Variants in INPP4B observed in about 807,000 individuals in gnomAD.
INPP4B encodes the protein inositol polyphosphate 4-phosphatase type II.
INPP4B carries 55 observed loss-of-function variants against 122.5 expected under a neutral mutation model. The ratio of observed to expected loss-of-function variants is 0.45; its 90% CI spans 0.36 to 0.56. The LOEUF (loss-of-function observed/expected upper bound fraction) is 0.56, where lower values mean the gene tolerates loss of function less well. Ranked by LOEUF, INPP4B falls within the 20% of genes least tolerant of loss-of-function variation. INPP4B has a pLI of 0.00. For synonymous variants in INPP4B, 403 were observed against 388.7 expected (o/e 1.04, Z -0.43); for missense variants, 1,000 against 1,097.7 (o/e 0.91, Z 1.26).
At chr4:142,659,782 G>C (rs1021263878) in intron 2 of INPP4B, among the ~76,000 whole-genome samples, 1 of 152,138 alleles carries the variant, frequency 6.6e-6, no homozygotes, top group Admixed American at 6.5e-5. Context: ...ACTCATCTGG[G>C]TGTCTCACAA....
chr4:142,037,286 T>A (rs1744574687), intron 25 of INPP4B, among the ~76,000 whole-genome samples: 2 of 152,192 alleles, frequency 1.3e-5, no homozygotes, highest in Admixed American at 6.5e-5. Context: ...TCCGTAAATA[T>A]AATCCAACGT....
At chr4:142,433,232 C>T (rs951610225) in intron 3 of INPP4B, among the ~76,000 whole-genome samples, 1 of 152,056 alleles carries the variant, frequency 6.6e-6, no homozygotes, top group Non-Finnish European at 1.5e-5. Context: ...GAGCATTTAC[C>T]TATGGTTATG....
chr4:142,136,274 A>G (rs1388032634), intron 18 of INPP4B, among the ~76,000 whole-genome samples: 2 of 152,218 alleles, frequency 1.3e-5, no homozygotes. Context: ...TCGGGCAGGC[A>G]CTGGAGAACC....
intron 23 of INPP4B, among the ~76,000 whole-genome samples, chr4:142,093,923 A>G (rs1780684592): frequency 1.3e-5 from 2 of 152,202 alleles, no homozygotes; most frequent in South Asian, 4.1e-4. Flanking sequence ...AGTAATTTTT[A>G]AATTATATCC....
chr4:142,601,656 A>G (rs1207977125), intron 2 of INPP4B, among the ~76,000 whole-genome samples: 2 of 151,870 alleles, frequency 1.3e-5, no homozygotes, highest in African/African-American at 4.8e-5. Context: ...TAGAAAAACA[A>G]AAACAAAACA....
chr4:142,179,102 G>C (rs1450915589), intron 15 of INPP4B, among the ~76,000 whole-genome samples: 1 of 152,004 alleles, frequency 6.6e-6, no homozygotes, highest in Non-Finnish European at 1.5e-5. Flanking sequence ...ACCTCTTTTG[G>C]ATTTCACTTA....
chr4:142,192,459 A>G (rs897562324), intron 15 of INPP4B, among the ~76,000 whole-genome samples: 2 of 151,994 alleles, frequency 1.3e-5, no homozygotes, highest in African/African-American at 4.8e-5. Context: ...GCCAGAGAAT[A>G]TTATAGGATA....
chr4:142,265,338 G>A (rs2627828), intron 10 of INPP4B, among the ~76,000 whole-genome samples: 138,487 of 152,258 alleles, frequency 0.91, 63,224 homozygotes, highest in East Asian at 0.96. Context: ...ATGCAAACCA[G>A]TGAAAGCAAT....
At chr4:142,462,782 T>G (rs567449695) in intron 2 of INPP4B, 56 bp from the exon 3 acceptor site, 52 of 152,318 alleles carry the variant, frequency 3.4e-4, no homozygotes, top group African/African-American at 1.2e-3. Context: ...GAAATTTTCT[T>G]ACTAAAGCAC....
intron 25 of INPP4B, among the ~76,000 whole-genome samples, chr4:142,055,103 ATTT>A (rs1371992803): frequency 6.6e-6 from 1 of 152,018 alleles, no homozygotes; most frequent in African/African-American, 2.4e-5. Flanking sequence ...TATTTTAATA[ATTT>A]TTTTGTGGAC....
chr4:142,844,750 G>A (rs562455830), intron 1 of INPP4B, among the ~76,000 whole-genome samples: 4 of 152,164 alleles, frequency 2.6e-5, no homozygotes, highest in Non-Finnish European at 4.4e-5. Context: ...CACCTTATGC[G>A]CTGCTTTATC....
intron 9 of INPP4B, among the ~76,000 whole-genome samples, chr4:142,297,270 G>C (rs1759162415): frequency 6.6e-6 from 1 of 152,198 alleles, no homozygotes; most frequent in South Asian, 2.1e-4. Flanking sequence ...CAGAATTTAG[G>C]TTTCAGGTAA....
chr4:142,668,521 A>G (rs1756485561), intron 2 of INPP4B, among the ~76,000 whole-genome samples: 1 of 152,208 alleles, frequency 6.6e-6, no homozygotes, highest in Admixed American at 6.5e-5. Flanking sequence ...AGAAAAGGAA[A>G]TAAAAAGTAT....
At chr4:142,135,639 C>A (rs576332875) in intron 18 of INPP4B, among the ~76,000 whole-genome samples, 2 of 152,054 alleles carry the variant, frequency 1.3e-5, no homozygotes, top group African/African-American at 4.8e-5. Flanking sequence ...CATTGCAAGC[C>A]TTGCAGAAAG....
chr4:142,520,789 T>A (rs1489190391), intron 2 of INPP4B, among the ~76,000 whole-genome samples: 1 of 151,984 alleles, frequency 6.6e-6, no homozygotes, highest in African/African-American at 2.4e-5. Flanking sequence ...TCTCCTCAGA[T>A]TATTTGAAAA....
rs557858147 is a variant in INPP4B at position 142,829,505 on chromosome 4, A to G, written c.-254+16704T>C. Among the ~76,000 whole-genome samples, 14 of 152,158 alleles carry G rather than the reference A, an allele frequency of 9.2e-5. No individual in the cohort carries two copies. The South Asian group carries it at 2.9e-3, about 32-fold the overall frequency. On this transcript the variant is annotated intron_variant, in intron 1 of 25. Coordinates refer to ENST00000262992, the MANE Select transcript of INPP4B (RefSeq NM_001101669.3). ...TCTTAATTCCAGTGACTTCTCCCTC[A>G]CTTAGAGTTGTGTTGATGCTATTCC...
chr4:142,779,121 C>A (rs926872443), intron 1 of INPP4B, among the ~76,000 whole-genome samples: 2 of 151,928 alleles, frequency 1.3e-5, no homozygotes, highest in African/African-American at 4.8e-5. Flanking sequence ...CCTACAACCC[C>A]GTCCAACTCA....
At chr4:142,260,901 A>C (rs1421370896) in intron 10 of INPP4B, among the ~76,000 whole-genome samples, 2 of 152,164 alleles carry the variant, frequency 1.3e-5, no homozygotes, top group Non-Finnish European at 2.9e-5. Context: ...TATTTCTTTC[A>C]CCTGAGCTAA....
At position 142,638,902 on chromosome 4, in the gene INPP4B, C is replaced by T. The variant is rs183187939; in HGVS notation, c.-191+86937G>A. On this transcript the variant is annotated intron_variant, in intron 2 of 25. Coordinates refer to ENST00000262992, the MANE Select transcript of INPP4B (RefSeq NM_001101669.3). The stretch of plus-strand genomic sequence containing the variant: ...GTTTTCACCATTAAGTATGATGCTG[C>T]CTATAGGCTTTTTTGTGGATAGTCT... Among the ~76,000 whole-genome samples, 613 of 152,146 alleles carry T rather than the reference C, an allele frequency of 4.0e-3. 5 individuals carry two copies. Among genetic ancestry groups the T allele is most frequent in the Non-Finnish European group, 6.9e-3 (468 of 67,984 alleles).
Sources: allele counts gnomAD v4.1 joint callset (sites outside exome capture counted in the v4.1 genomes callset), GRCh38; gene constraint gnomAD v4.1.1; transcripts MANE v1.5; gene names NCBI Gene and HGNC (gene_info 2026-07-23, HGNC 2026-07-21).